The following LMAN2L variants were observed in gnomAD, a reference collection of about 807,000 sequenced individuals.
LMAN2L encodes the protein lectin, mannose binding 2 like, also known as VIP36-like protein.
In LMAN2L, 30 loss-of-function variants were observed where a neutral mutation model predicts 44.3. That is an observed-to-expected ratio of 0.68 (90% CI 0.51 to 0.92). LMAN2L has a LOEUF of 0.92. Ranked by LOEUF, LMAN2L falls within the 40% of genes least tolerant of loss-of-function variation. LMAN2L has a pLI of 0.00. For missense variants in LMAN2L, 429 were observed against 446.1 expected, an observed-to-expected ratio of 0.96 and a Z score of 0.35; for synonymous variants, 183 against 171.1, an observed-to-expected ratio of 1.07 and a Z score of -0.54.
chr2:96,715,577 A>AT (rs1459021722), intron 4 of LMAN2L, among the ~76,000 whole-genome samples: 1 of 152,214 alleles, frequency 6.6e-6, no homozygotes, highest in Non-Finnish European at 1.5e-5. Flanking sequence ...TTTATTCCTA[A>AT]TTTAAGAGTC....
chr2:96,727,360 G>C (rs1008799884), intron 4 of LMAN2L, among the ~76,000 whole-genome samples: 2 of 152,060 alleles, frequency 1.3e-5, no homozygotes, highest in African/African-American at 4.8e-5. Context: ...GGCCGGGTGC[G>C]GTGGCTCATG....
At chr2:96,736,088 T>C (rs992614036) in intron 2 of LMAN2L, among the ~76,000 whole-genome samples, 2 of 152,138 alleles carry the variant, frequency 1.3e-5, no homozygotes, top group Admixed American at 1.3e-4. Flanking sequence ...ATTATGCCCC[T>C]GGGAAGAGGG....
chr2:96,738,109 A>G (rs201045297), intron 1 of LMAN2L, 42 bp from the exon 2 acceptor site: 851 of 1,380,976 alleles, frequency 6.2e-4, no homozygotes, highest in Non-Finnish European at 8.2e-4. Flanking sequence ...TTCAACACCA[A>G]TCCATTCAGA....
Position 96,733,508 on chromosome 2 carries a change from C to T in LMAN2L, c.507+11G>A, listed in dbSNP as rs1437261890. The T allele has an allele frequency of 6.2e-7, 1 of 1,607,430 alleles. No homozygotes were observed. The highest frequency in any genetic ancestry group is 1.7e-5 in the Admixed American group (1 of 59,996). On this transcript the variant is annotated intron_variant, in intron 4 of 7. Coordinates refer to ENST00000264963, the MANE Select transcript of LMAN2L (RefSeq NM_030805.4). The stretch of plus-strand genomic sequence containing the variant: ...AGTGTAGCTGACCTAGGCTCTGACA[C>T]TTGCCATTACCTCTTGCTGCTTCTC...
chr2:96,729,044 T>C lies in LMAN2L; in HGVS notation c.507+4475A>G, dbSNP rs540521113. Among the ~76,000 whole-genome samples the C allele has an allele frequency of 4.7e-4, 71 of 150,066 alleles. 1 individual carries two copies. Among genetic ancestry groups the C allele is most frequent in the Admixed American group, 1.6e-3 (24 of 14,908 alleles). Reference sequence around the variant, plus strand: ...AAAATTAGCTGGGCGTGGTGGCAGGTACTTGTAGTCCCAGCTACTCAGGAG... The same window carrying C: ...AAAATTAGCTGGGCGTGGTGGCAGGCACTTGTAGTCCCAGCTACTCAGGAG... On this transcript the variant is annotated intron_variant, in intron 4 of 7. Transcript: ENST00000264963.
chr2:96,711,921 G>C lies in LMAN2L; in HGVS notation c.612C>G (p.Val204=), dbSNP rs138926355. Residue 204 remains valine, a synonymous_variant, in exon 5 of 8, where the codon GTC becomes GTG. Coordinates refer to ENST00000264963, the MANE Select transcript of LMAN2L (RefSeq NM_030805.4). Reference sequence around the variant, plus strand: ...GGAAGGTGTCGTAATGAAGATTGCGGACAATGGCTGTGCAGCCTCCCAGCT... The same window carrying C: ...GGAAGGTGTCGTAATGAAGATTGCGCACAATGGCTGTGCAGCCTCCCAGCT... ...PTELGGCTAI[V]RNLHYDTFLV... 23 of 1,614,090 alleles carry C rather than the reference G, an allele frequency of 1.4e-5. No homozygotes were observed. The African/African-American group carries it at 2.4e-4, about 17-fold the overall frequency.
chr2:96,732,198 G>A (rs1234891472), intron 4 of LMAN2L, among the ~76,000 whole-genome samples: 1 of 151,382 alleles, frequency 6.6e-6, no homozygotes, highest in Non-Finnish European at 1.5e-5. Context: ...AAACCTTTGA[G>A]GAAAAAAATA....
chr2:96,715,837 T>A (rs976666603), intron 4 of LMAN2L, among the ~76,000 whole-genome samples: 3 of 152,354 alleles, frequency 2.0e-5, no homozygotes, highest in Admixed American at 2.0e-4. Context: ...CTAACTGCAG[T>A]TATGTCACTT....
chr2:96,724,845 T>A (rs867276488), intron 4 of LMAN2L, among the ~76,000 whole-genome samples: 36 of 152,062 alleles, frequency 2.4e-4, no homozygotes, highest in East Asian at 5.8e-4. Flanking sequence ...TTATTTATTT[T>A]TTTTTTGATG....
intron 4 of LMAN2L, among the ~76,000 whole-genome samples, chr2:96,715,125 G>T (rs920694757): frequency 6.6e-6 from 1 of 152,144 alleles, no homozygotes; most frequent in Non-Finnish European, 1.5e-5. Flanking sequence ...TTTTAGTAGA[G>T]ATGGGGTTTC....
chr2:96,728,120 T>C (rs1431220515), intron 4 of LMAN2L, among the ~76,000 whole-genome samples: 1 of 152,182 alleles, frequency 6.6e-6, no homozygotes, highest in Non-Finnish European at 1.5e-5. Context: ...CCCTCTTAGA[T>C]AGTTGTAGGG....
intron 7 of LMAN2L, 113 bp downstream of exon 7, chr2:96,707,601 C>T: frequency 1.5e-6 from 2 of 1,375,024 alleles, no homozygotes; most frequent in Non-Finnish European, 2.0e-6. Context: ...TGAAAGTGCT[C>T]CCTACCCTTC....
intron 1 of LMAN2L, 113 bp downstream of exon 1, chr2:96,739,741 C>T: frequency 1.8e-6 from 2 of 1,112,670 alleles, no homozygotes; most frequent in Non-Finnish European, 2.6e-6. Flanking sequence ...GGCCCCACCA[C>T]CGCCAGCAGT....
chr2:96,707,155 G>A lies in LMAN2L; in HGVS notation c.*101C>T. 2 of 1,156,002 alleles carry A rather than the reference G, an allele frequency of 1.7e-6. No individual in the cohort carries two copies. Among genetic ancestry groups the A allele is most frequent in the South Asian group, 3.2e-5 (2 of 63,344 alleles). The allele number at this position is 1,156,002 out of a possible 1,614,324, so 71.6% of individuals were successfully genotyped here. A position where few individuals can be genotyped will look rare whatever the true frequency, so the allele number is the denominator to read the frequency against. On this transcript the variant is annotated 3_prime_UTR_variant, in exon 8 of 8. Coordinates refer to ENST00000264963, the MANE Select transcript of LMAN2L (RefSeq NM_030805.4). Reference sequence around the variant, plus strand: ...GACAGAATATAGTCCCCAACCAGCTGCTAGAGACAAGAACACTCTCCAGGC... The same window carrying A: ...GACAGAATATAGTCCCCAACCAGCTACTAGAGACAAGAACACTCTCCAGGC...
chr2:96,720,312 C>G (rs934516567), intron 4 of LMAN2L, among the ~76,000 whole-genome samples: 1 of 152,112 alleles, frequency 6.6e-6, no homozygotes, highest in Non-Finnish European at 1.5e-5. Flanking sequence ...AGGAAGGCCT[C>G]TTCTCATTCA....
intron 2 of LMAN2L, chr2:96,737,204 G>A (rs1159499271): frequency 2.2e-6 from 1 of 451,232 alleles, no homozygotes; most frequent in Non-Finnish European, 4.4e-6. Context: ...CATACCTCAA[G>A]GAAGACAATG....
chr2:96,721,971 C>T (rs1222383766), intron 4 of LMAN2L, among the ~76,000 whole-genome samples: 1 of 151,612 alleles, frequency 6.6e-6, no homozygotes, highest in South Asian at 2.1e-4. Flanking sequence ...TGTGTACTTT[C>T]TTTCTTTTTT....
intron 4 of LMAN2L, among the ~76,000 whole-genome samples, chr2:96,719,040 C>T (rs2078097554): frequency 6.6e-6 from 1 of 152,126 alleles, no homozygotes; most frequent in South Asian, 2.1e-4. Flanking sequence ...TTGAGGTGTG[C>T]CCCAAGCACT....
chr2:96,719,070 C>A (rs776402832), intron 4 of LMAN2L, among the ~76,000 whole-genome samples: 12 of 152,170 alleles, frequency 7.9e-5, no homozygotes, highest in Non-Finnish European at 1.6e-4. Flanking sequence ...AACCTACCCA[C>A]CCAGATTACA....
Sources: allele counts gnomAD v4.1 joint callset (sites outside exome capture counted in the v4.1 genomes callset), GRCh38; gene constraint gnomAD v4.1.1; transcripts MANE v1.5; gene names NCBI Gene and HGNC (gene_info 2026-07-23, HGNC 2026-07-21).